The following UGT2B11 variants were observed in gnomAD, a reference collection of about 807,000 sequenced individuals.
UGT2B11 encodes the protein UDP-glucuronosyltransferase 2B11.
In UGT2B11, 49 loss-of-function variants were observed where a neutral mutation model predicts 51.7. The observed-to-expected ratio is 0.95, with a 90% confidence interval of 0.75 to 1.20. UGT2B11 has a LOEUF of 1.20. UGT2B11 is among the 50% of genes most tolerant of loss of function. UGT2B11 has a pLI of 0.00. For missense variants in UGT2B11, 810 were observed against 622.1 expected (o/e 1.30, Z -3.21); for synonymous variants, 273 against 209.0 (o/e 1.31, Z -2.64).
chr4:69,211,517 T>C (rs1035454418), intron 2 of UGT2B11, among the ~76,000 whole-genome samples: 1 of 151,636 alleles, frequency 6.6e-6, no homozygotes, highest in Non-Finnish European at 1.5e-5. Context: ...GTAGTATTAG[T>C]AATAATCACA....
chr4:69,221,951 T>C, the UGT2B11 span, among the ~76,000 whole-genome samples: 32 of 152,276 alleles, frequency 2.1e-4, no homozygotes, highest in Admixed American at 1.5e-3. Context: ...GGTGAGGGGG[T>C]GGTTTGTTTT....
At chr4:69,220,681 A>G in the UGT2B11 span, among the ~76,000 whole-genome samples, 3 of 151,540 alleles carry the variant, frequency 2.0e-5, no homozygotes, top group African/African-American at 7.3e-5. Context: ...CATTGGTTAA[A>G]CATATTTCAG....
chr4:69,220,187 ATCT>A, the UGT2B11 span, among the ~76,000 whole-genome samples: 1 of 152,112 alleles, frequency 6.6e-6, no homozygotes, highest in Non-Finnish European at 1.5e-5. Context: ...TGCCAAAATG[ATCT>A]TCTTTGACTC....
chr4:69,204,409 G>A, intron 5 of UGT2B11, 21 bp downstream of exon 5: 1 of 1,609,948 alleles, frequency 6.2e-7, no homozygotes, highest in Non-Finnish European at 8.5e-7. Context: ...ACCACCTAGT[G>A]AAAAACATTG....
chr4:69,203,196 C>T (rs559363554), intron 5 of UGT2B11, among the ~76,000 whole-genome samples: 1 of 151,598 alleles, frequency 6.6e-6, no homozygotes, highest in East Asian at 2.0e-4. Context: ...AAAAATGTTC[C>T]AAGCATTGGA....
At chr4:69,213,065 A>G (rs1280099397) in intron 1 of UGT2B11, among the ~76,000 whole-genome samples, 1 of 151,396 alleles carries the variant, frequency 6.6e-6, no homozygotes, top group Non-Finnish European at 1.5e-5. Context: ...CAACTCTTTG[A>G]GCTCCATAAT....
the UGT2B11 span, among the ~76,000 whole-genome samples, chr4:69,224,761 A>T: frequency 6.6e-6 from 1 of 152,046 alleles, no homozygotes; most frequent in African/African-American, 2.4e-5. Flanking sequence ...AGAAAAAAAA[A>T]AAAAGCTGTA....
intron 2 of UGT2B11, among the ~76,000 whole-genome samples, chr4:69,211,440 G>A (rs1007577976): frequency 6.6e-6 from 1 of 151,476 alleles, no homozygotes; most frequent in African/African-American, 2.4e-5. Flanking sequence ...ACCTTGATGT[G>A]CTGAATAATC....
chr4:69,211,738 A>T (rs1303037799), intron 2 of UGT2B11, among the ~76,000 whole-genome samples: 1 of 151,510 alleles, frequency 6.6e-6, no homozygotes, highest in Admixed American at 6.6e-5. Flanking sequence ...AGTTTCCTGA[A>T]TGGTTAGCTC....
At chr4:69,222,139 T>C in the UGT2B11 span, among the ~76,000 whole-genome samples, 1 of 152,208 alleles carries the variant, frequency 6.6e-6, no homozygotes, top group Non-Finnish European at 1.5e-5. Flanking sequence ...CCTGTTCCTC[T>C]TGGTCCCTGT....
At chr4:69,216,688 A>G (rs974372379), upstream of UGT2B11, 14 of 151,786 alleles carry the variant, frequency 9.2e-5, no homozygotes, top group Admixed American at 6.6e-5. Flanking sequence ...GTACATATCA[A>G]TATCAATCAA....
rs556757363 is a variant in UGT2B11, at chr4:69,208,845, C to T, written c.871-363G>A. On this transcript the variant is annotated intron_variant, in intron 2 of 5. Transcript: ENST00000446444. The stretch of plus-strand genomic sequence containing the variant: ...AAGTTCTTGGAATAGTGGCACCACT[C>T]GGCTTTAATCCTATGTTTTTGTTCT... Among the ~76,000 whole-genome samples the T allele has an allele frequency of 2.0e-5, 3 of 149,726 alleles. No individual in the cohort carries two copies. In the South Asian group the frequency reaches 6.4e-4, roughly 32 times the overall value.
chr4:69,224,864 A>T, the UGT2B11 span, among the ~76,000 whole-genome samples: 1 of 152,110 alleles, frequency 6.6e-6, no homozygotes, highest in African/African-American at 2.4e-5. Flanking sequence ...CTCACCTTTT[A>T]AACTCTTTAA....
chr4:69,216,571 C>T (rs1023848360), upstream of UGT2B11: 20 of 151,238 alleles, frequency 1.3e-4, no homozygotes, highest in South Asian at 4.2e-4. Context: ...AGCACATTCT[C>T]GCAGGATTCA....
chr4:69,223,367 G>C, the UGT2B11 span, among the ~76,000 whole-genome samples: 6 of 152,100 alleles, frequency 3.9e-5, no homozygotes, highest in African/African-American at 1.4e-4. Flanking sequence ...TCCCCCACAG[G>C]TCAGGCCCAG....
upstream of UGT2B11, among the ~76,000 whole-genome samples, chr4:69,218,442 T>G (rs571921864): frequency 1.6e-3 from 247 of 152,212 alleles, no homozygotes; most frequent in African/African-American, 5.8e-3. Flanking sequence ...GTGTTACTTA[T>G]TAGGATATAT....
chr4:69,211,993 C>T (rs1722083156), intron 2 of UGT2B11, among the ~76,000 whole-genome samples: 1 of 151,582 alleles, frequency 6.6e-6, no homozygotes, highest in Non-Finnish European at 1.5e-5. Flanking sequence ...ACTTTATCTG[C>T]TTTCCCTTTT....
At chr4:69,219,723 A>T (rs1722364552), upstream of UGT2B11, among the ~76,000 whole-genome samples, 1 of 152,150 alleles carries the variant, frequency 6.6e-6, no homozygotes, top group African/African-American at 2.4e-5. Flanking sequence ...ACACTTATTC[A>T]CTATCATGGG....
At chr4:69,217,769 A>G (rs558011386), upstream of UGT2B11, among the ~76,000 whole-genome samples, 9 of 152,102 alleles carry the variant, frequency 5.9e-5, no homozygotes, top group Non-Finnish European at 8.8e-5. Context: ...AGGGTGCTAT[A>G]TAGAAAAATA....
Sources: allele counts gnomAD v4.1 joint callset (sites outside exome capture counted in the v4.1 genomes callset), GRCh38; gene constraint gnomAD v4.1.1; transcripts MANE v1.5; gene names NCBI Gene and HGNC (gene_info 2026-07-23, HGNC 2026-07-21).